ZBTB44: variants seen among roughly 807,000 people sequenced by gnomAD.
ZBTB44 encodes the protein zinc finger and BTB domain-containing protein 44.
A neutral mutation model predicts 54.0 loss-of-function variants in ZBTB44; 15 were observed. That is an observed-to-expected ratio of 0.28 (90% CI 0.19 to 0.43). The LOEUF is 0.43. Ranked by LOEUF, ZBTB44 falls within the 20% of genes least tolerant of loss-of-function variation. The pLI is 1.00. For missense variants in ZBTB44, 487 were observed against 707.1 expected (o/e 0.69, Z 3.53); for synonymous variants, 230 against 250.1 (o/e 0.92, Z 0.76).
intron 1 of ZBTB44, 110 bp from the exon 2 acceptor site, chr11:130,262,039 G>A (rs1437219199): frequency 2.5e-6 from 2 of 812,402 alleles, no homozygotes; most frequent in African/African-American, 1.7e-5. Flanking sequence ...AAAGATGGTA[G>A]TGACAGAGAA....
In ZBTB44 at chr11:130,261,801, G is replaced by T; in HGVS notation, c.73C>A (p.Arg25=). Residue 25 remains arginine, a synonymous_variant, in exon 2 of 8, where the codon CGA becomes AGA. Coordinates refer to ENST00000357899, the MANE Select transcript of ZBTB44 (RefSeq NM_001301098.2). This position sits in a 1 kb window ranked among gnomAD's most constrained non-coding sequence, Gnocchi z 4.8. ...QEMLGKLNML[R]NDGHFCDITI... is the part of the protein sequence containing the mutation. The stretch of plus-strand genomic sequence containing the variant: ...ATATCACAAAAATGTCCATCATTTC[G>T]CAGCATATTTAGCTTTCCAAGCATT... The T allele has an allele frequency of 6.2e-7, 1 of 1,614,006 alleles. No homozygotes were observed. The highest frequency in any genetic ancestry group is 8.5e-7 in the Non-Finnish European group (1 of 1,179,890).
chr11:130,275,783 A>G (rs1940017495), intron 1 of ZBTB44, among the ~76,000 whole-genome samples: 1 of 152,118 alleles, frequency 6.6e-6, no homozygotes, highest in Non-Finnish European at 1.5e-5. Context: ...GCGTGCCAGC[A>G]TGCCCAGATA....
At chr11:130,284,872 A>G (rs1401616591) in intron 1 of ZBTB44, among the ~76,000 whole-genome samples, 1 of 152,202 alleles carries the variant, frequency 6.6e-6, no homozygotes, top group Non-Finnish European at 1.5e-5. Context: ...CGTCTCCAAA[A>G]AAAAAAAAGT....
intron 1 of ZBTB44, among the ~76,000 whole-genome samples, chr11:130,274,812 C>T (rs1939940988): frequency 1.3e-5 from 2 of 152,106 alleles, no homozygotes; most frequent in Admixed American, 6.5e-5. Flanking sequence ...AGATATTGGT[C>T]TGGAGTTTTC....
At chr11:130,307,608 G>GC (rs1408412096) in intron 1 of ZBTB44, among the ~76,000 whole-genome samples, 1 of 152,054 alleles carries the variant, frequency 6.6e-6, no homozygotes, top group Non-Finnish European at 1.5e-5. Context: ...ATCATGCGTG[G>GC]CATGTGTCCC....
rs1565681123 is a variant in ZBTB44, at chr11:130,291,914, G to GT, written c.-57+22460dup. Among the ~76,000 whole-genome samples the GT allele has an allele frequency of 2.6e-5, 4 of 150,998 alleles. No individual in the cohort carries two copies. In the East Asian group the frequency reaches 7.7e-4, roughly 29 times the overall value. On this transcript the variant is annotated intron_variant, in intron 1 of 7. Transcript: ENST00000357899. Reference sequence around the variant, plus strand: ...GATAAGGAATACTGCCACAATTTCTGTAAGTTTCTTTGCAGTCTCACCTTC... The same window carrying GT: ...GATAAGGAATACTGCCACAATTTCTGTTAAGTTTCTTTGCAGTCTCACCTTC...
chr11:130,235,733 C>T (rs555484857), intron 5 of ZBTB44, among the ~76,000 whole-genome samples: 3 of 151,968 alleles, frequency 2.0e-5, no homozygotes, highest in Non-Finnish European at 4.4e-5. Context: ...GGCATGGTGG[C>T]TCACGCCTGT....
chr11:130,265,109 C>G (rs1939154139), intron 1 of ZBTB44, among the ~76,000 whole-genome samples: 1 of 152,168 alleles, frequency 6.6e-6, no homozygotes, highest in African/African-American at 2.4e-5. Flanking sequence ...TCCCCCATCT[C>G]TCTCCTCCTC....
chr11:130,259,687 G>A (rs972249200), intron 2 of ZBTB44, among the ~76,000 whole-genome samples: 3 of 151,420 alleles, frequency 2.0e-5, no homozygotes, highest in East Asian at 1.9e-4. Flanking sequence ...ATCATTCTCC[G>A]CAAACTATCA....
At chr11:130,239,967 T>A in intron 2 of ZBTB44, 71 bp from the exon 3 acceptor site, 1 of 1,056,282 alleles carries the variant, frequency 9.5e-7, no homozygotes, top group South Asian at 1.4e-5. Flanking sequence ...CTGAAAGCTA[T>A]ATTATATCTA....
intron 1 of ZBTB44, among the ~76,000 whole-genome samples, chr11:130,286,897 A>G (rs1347781277): frequency 6.6e-6 from 1 of 152,220 alleles, no homozygotes; most frequent in Non-Finnish European, 1.5e-5. Context: ...GACTGTTTAT[A>G]TAAGAATATG....
intron 2 of ZBTB44, among the ~76,000 whole-genome samples, chr11:130,249,397 T>TC (rs1253362990): frequency 6.6e-6 from 1 of 152,208 alleles, no homozygotes; most frequent in Non-Finnish European, 1.5e-5. Context: ...GGATGTGTGT[T>TC]CATGTAAATT....
intron 1 of ZBTB44, among the ~76,000 whole-genome samples, chr11:130,274,191 A>C (rs566754804): frequency 6.6e-6 from 1 of 152,320 alleles, no homozygotes; most frequent in African/African-American, 2.4e-5. Flanking sequence ...CGAAATCCAA[A>C]ATGCTCTAAT....
At chr11:130,277,076 G>A (rs1310765450) in intron 1 of ZBTB44, among the ~76,000 whole-genome samples, 1 of 152,074 alleles carries the variant, frequency 6.6e-6, no homozygotes, top group Non-Finnish European at 1.5e-5. Flanking sequence ...GGATAATGCT[G>A]TTTATAAACT....
chr11:130,307,515 C>G (rs996717608), intron 1 of ZBTB44, among the ~76,000 whole-genome samples: 3 of 152,044 alleles, frequency 2.0e-5, no homozygotes, highest in African/African-American at 7.2e-5. Context: ...TTTTAAAATG[C>G]CTTTTAAAGT....
intron 1 of ZBTB44, among the ~76,000 whole-genome samples, chr11:130,278,197 T>C (rs1156376054): frequency 6.6e-6 from 1 of 152,234 alleles, no homozygotes; most frequent in Admixed American, 6.5e-5. Flanking sequence ...TATACCTACC[T>C]TCCTAAAGAT....
intron 1 of ZBTB44, among the ~76,000 whole-genome samples, chr11:130,263,105 G>C (rs1042138827): frequency 6.6e-6 from 1 of 152,194 alleles, no homozygotes; most frequent in African/African-American, 2.4e-5. Flanking sequence ...AAGACAAAAT[G>C]ATCAATTTGA....
chr11:130,275,333 T>C (rs1939977081), intron 1 of ZBTB44, among the ~76,000 whole-genome samples: 1 of 152,302 alleles, frequency 6.6e-6, no homozygotes, highest in East Asian at 1.9e-4. Flanking sequence ...CATAGAACAT[T>C]TTCTTTTTTA....
intron 1 of ZBTB44, chr11:130,296,510 C>A (rs1353872005): frequency 1.1e-6 from 1 of 898,108 alleles, no homozygotes. Context: ...GGCAAGAGGA[C>A]TGGACATTCC....
Sources: allele counts gnomAD v4.1 joint callset (sites outside exome capture counted in the v4.1 genomes callset), GRCh38; gene constraint gnomAD v4.1.1; non-coding constraint Gnocchi (gnomAD v3.1); transcripts MANE v1.5; gene names NCBI Gene and HGNC (gene_info 2026-07-23, HGNC 2026-07-21).